ITGB3BP: variants seen among roughly 807,000 people sequenced by gnomAD.
ITGB3BP encodes integrin subunit beta 3 binding protein, also known as centromere protein R.
In ITGB3BP, 27 loss-of-function variants were observed where a neutral mutation model predicts 29.1. The observed-to-expected ratio is 0.93, with a 90% CI of 0.68 to 1.28. The LOEUF (loss-of-function observed/expected upper bound fraction) is 1.28. Among genes scored for constraint, ITGB3BP ranks in the 50% most tolerant of loss-of-function variants. ITGB3BP has a pLI of 0.00. For missense variants in ITGB3BP, 192 were observed against 200.2 expected (o/e 0.96, Z 0.25); for synonymous variants, 61 against 61.4 (o/e 0.99, Z 0.03).
chr1:63,483,796 T>C (rs1645480107), intron 3 of ITGB3BP, among the ~76,000 whole-genome samples: 1 of 152,192 alleles, frequency 6.6e-6, no homozygotes, highest in African/African-American at 2.4e-5. Context: ...CAGATATGTT[T>C]AAATACACCA....
chr1:63,479,222 A>ACC (rs1645395115), intron 3 of ITGB3BP, among the ~76,000 whole-genome samples: 1 of 152,112 alleles, frequency 6.6e-6, no homozygotes, highest in South Asian at 2.1e-4. Flanking sequence ...TTTTTTCTCA[A>ACC]GTTAACAACA....
At chr1:63,472,511 C>T (rs935519906) in intron 4 of ITGB3BP, among the ~76,000 whole-genome samples, 1 of 146,824 alleles carries the variant, frequency 6.8e-6, no homozygotes, top group East Asian at 2.0e-4. Context: ...TGGTCTCCCT[C>T]TGATGCCGAG....
chr1:63,457,231 C>A (rs1347214900), intron 4 of ITGB3BP: 2 of 151,922 alleles, frequency 1.3e-5, no homozygotes, highest in African/African-American at 2.4e-5. Context: ...TCAAGGCATT[C>A]TTTTCCACAC....
At chr1:63,523,285 C>A (rs756123647), upstream of ITGB3BP, 6 of 965,630 alleles carry the variant, frequency 6.2e-6, no homozygotes, top group Admixed American at 1.9e-5. Flanking sequence ...ACATCCTCCC[C>A]GCGACGAAGG....
At chr1:63,446,992 C>G in intron 7 of ITGB3BP, 136 bp from the exon 8 acceptor site, 1 of 625,410 alleles carries the variant, frequency 1.6e-6, no homozygotes, top group Non-Finnish European at 2.9e-6. Context: ...AATAGCAGCT[C>G]TAAGGCTATA....
chr1:63,451,010 T>C (rs1644853087), intron 7 of ITGB3BP, among the ~76,000 whole-genome samples: 1 of 151,966 alleles, frequency 6.6e-6, no homozygotes, highest in Non-Finnish European at 1.5e-5. Context: ...GTTATTTTTA[T>C]AATTCTACTC....
intron 8 of ITGB3BP, among the ~76,000 whole-genome samples, chr1:63,444,756 T>C (rs972101544): frequency 3.1e-4 from 47 of 151,642 alleles, no homozygotes; most frequent in Non-Finnish European, 1.3e-4. Flanking sequence ...TAGTGAAACC[T>C]GACATTCACA....
intron 8 of ITGB3BP, 31 bp downstream of exon 8, chr1:63,446,775 G>T: frequency 6.7e-7 from 1 of 1,501,576 alleles, no homozygotes; most frequent in Non-Finnish European, 9.2e-7. Flanking sequence ...ATTTCACAAG[G>T]TTAAACTAAA....
chr1:63,510,484 C>T (rs1646176472), intron 1 of ITGB3BP, among the ~76,000 whole-genome samples: 2 of 152,170 alleles, frequency 1.3e-5, no homozygotes, highest in South Asian at 4.1e-4. Flanking sequence ...TTAAAATAGG[C>T]TGTCATCTCC....
chr1:63,455,198 T>C (rs532178174), intron 4 of ITGB3BP, among the ~76,000 whole-genome samples: 2 of 152,300 alleles, frequency 1.3e-5, no homozygotes, highest in East Asian at 1.9e-4. Flanking sequence ...CAATGCCACA[T>C]TGAGAACACT....
upstream of ITGB3BP, among the ~76,000 whole-genome samples, chr1:63,523,959 T>TA (rs1461234246): frequency 2.6e-5 from 4 of 152,104 alleles, no homozygotes; most frequent in African/African-American, 9.7e-5. Context: ...ATGGAGCCGT[T>TA]TGCTGCAATG....
At chr1:63,477,767 T>C (rs902368303) in intron 4 of ITGB3BP, among the ~76,000 whole-genome samples, 1 of 152,206 alleles carries the variant, frequency 6.6e-6, no homozygotes. Flanking sequence ...AACTTCATTT[T>C]CCTTCTCTTT....
At chr1:63,520,582 TA>T (rs1462675928) in intron 1 of ITGB3BP, among the ~76,000 whole-genome samples, 1 of 152,126 alleles carries the variant, frequency 6.6e-6, no homozygotes, top group Non-Finnish European at 1.5e-5. Flanking sequence ...TAAATCCTTT[TA>T]AAAAACATTT....
chr1:63,441,488 G>A (rs574484170), intron 8 of ITGB3BP, among the ~76,000 whole-genome samples: 58 of 152,146 alleles, frequency 3.8e-4, no homozygotes, highest in Middle Eastern at 3.4e-3. Flanking sequence ...TGCCCACCTC[G>A]GCCTCCCAGA....
chr1:63,441,023 C>T lies in ITGB3BP; in HGVS notation c.*82G>A, dbSNP rs1275457528. On this transcript the variant is annotated 3_prime_UTR_variant, in exon 9 of 9. Coordinates refer to ENST00000271002, the MANE Select transcript of ITGB3BP (RefSeq NM_014288.5). ...TGGTATTTACTGGGCAGATTAATTA[C>T]AAATATTTCTCTGTTCCTTTAAATA... 1.3e-5 allele frequency: 2 copies of T among 152,626 alleles called. No individual in the cohort carries two copies. The highest frequency in any genetic ancestry group is 2.9e-5 in the Non-Finnish European group (2 of 68,044). 9.5% of individuals were successfully genotyped at this position (152,626 alleles called of 1,614,324 possible).
chr1:63,525,444 C>T, upstream of ITGB3BP: 4 of 679,414 alleles, frequency 5.9e-6, no homozygotes, highest in Admixed American at 3.8e-5. Flanking sequence ...TTGATCTTTT[C>T]ATATATGTTA....
intron 4 of ITGB3BP, among the ~76,000 whole-genome samples, chr1:63,470,240 T>C (rs1194433241): frequency 1.3e-5 from 2 of 152,206 alleles, no homozygotes; most frequent in Non-Finnish European, 1.5e-5. Flanking sequence ...TATTTCTGTG[T>C]GTGTGTCTTT....
intron 4 of ITGB3BP, among the ~76,000 whole-genome samples, chr1:63,469,559 C>A (rs1313417809): frequency 5.3e-5 from 8 of 152,186 alleles, no homozygotes; most frequent in African/African-American, 1.9e-4. Flanking sequence ...CTCCCGACCT[C>A]AGGTGATCTG....
At position 63,478,798 on chromosome 1, in the gene ITGB3BP, C is replaced by A; in HGVS notation, c.220G>T (p.Glu74Ter). The A allele has an allele frequency of 6.8e-7, 1 of 1,462,832 alleles. No individual in the cohort carries two copies. The highest frequency in any genetic ancestry group is 2.5e-5 in the East Asian group (1 of 40,338). The allele number at this position is 1,462,832 out of a possible 1,614,324, so 90.6% of individuals were successfully genotyped here. ...RKKLNHPSLT[E>*]SKESTTKDND... is the part of the protein sequence containing the mutation. The stretch of plus-strand genomic sequence containing the variant: ...TCTTTTGTTGTAGATTCTTTGCTTT[C>A]AGTTAAACTGGGGTGATTCAATTTT... Residue 74 changes from glutamate to a stop codon, truncating the protein, a stop_gained, in exon 4 of 9, where the codon GAA (glutamate) becomes TAA (stop). Coordinates refer to ENST00000271002, the MANE Select transcript of ITGB3BP (RefSeq NM_014288.5). LOFTEE classifies it high-confidence loss of function.
Sources: allele counts gnomAD v4.1 joint callset (sites outside exome capture counted in the v4.1 genomes callset), GRCh38; gene constraint gnomAD v4.1.1; transcripts MANE v1.5; gene names NCBI Gene and HGNC (gene_info 2026-07-23, HGNC 2026-07-21).